ARHGAP11A: variants seen among roughly 807,000 people sequenced by gnomAD.
ARHGAP11A encodes the protein Rho GTPase activating protein 11A, also known as rho GTPase-activating protein 11A.
A neutral mutation model predicts 60.5 loss-of-function variants in ARHGAP11A; 36 were observed. That is an observed-to-expected ratio of 0.59 (90% CI 0.46 to 0.79). The LOEUF (loss-of-function observed/expected upper bound fraction) is 0.79, where lower values mean the gene tolerates loss of function less well. Ranked by LOEUF, ARHGAP11A falls within the 30% of genes least tolerant of loss-of-function variation. ARHGAP11A has a pLI of 0.00. For synonymous variants in ARHGAP11A, 362 were observed against 415.5 expected (o/e 0.87, Z 1.57); for missense variants, 1,071 against 1,199.2 (o/e 0.89, Z 1.58).
intron 1 of ARHGAP11A, among the ~76,000 whole-genome samples, chr15:32,618,304 T>TTA (rs2053210466): frequency 6.6e-6 from 1 of 152,204 alleles, no homozygotes; most frequent in Non-Finnish European, 1.5e-5. Context: ...TGAATTCTAG[T>TTA]TATATATAGC....
At chr15:32,627,468 G>A (rs1014720162) in intron 6 of ARHGAP11A, among the ~76,000 whole-genome samples, 4 of 151,946 alleles carry the variant, frequency 2.6e-5, no homozygotes, top group Admixed American at 1.3e-4. Flanking sequence ...GATGGCTCAC[G>A]CCTGTAATTC....
chr15:32,617,162 A>G (rs2053173138), intron 1 of ARHGAP11A, among the ~76,000 whole-genome samples: 1 of 152,214 alleles, frequency 6.6e-6, no homozygotes, highest in African/African-American at 2.4e-5. Flanking sequence ...ACTTCCTAGT[A>G]CTTGGAGACA....
chr15:32,638,556 G>A lies in ARHGAP11A; in HGVS notation c.*711G>A, dbSNP rs1272675776. The stretch of plus-strand genomic sequence containing the variant: ...TAGAGATAAACTCTGCAAATCTTAT[G>A]TCTGGAATTATATTAATGTTTATTG... On this transcript the variant is annotated 3_prime_UTR_variant, in exon 12 of 12. Transcript: ENST00000361627. 2 of 152,198 alleles carry A rather than the reference G, an allele frequency of 1.3e-5. No homozygotes were observed. The highest frequency in any genetic ancestry group is 4.1e-4 in the South Asian group (2 of 4,834). The allele number at this position is 152,198 out of a possible 1,614,324, so 9.4% of individuals were successfully genotyped here.
chr15:32,633,776 G>A (rs972683368), intron 9 of ARHGAP11A, among the ~76,000 whole-genome samples, 157 bp from the exon 10 acceptor site: 3 of 152,202 alleles, frequency 2.0e-5, no homozygotes, highest in Non-Finnish European at 4.4e-5. Flanking sequence ...GTGTGTTCAT[G>A]TATGGTATCT....
Position 32,636,852 on chromosome 15 carries a change from T to G in ARHGAP11A, c.2079T>G (p.Thr693=), listed in dbSNP as rs2053728201. 1 of 1,610,484 alleles carries G rather than the reference T, an allele frequency of 6.2e-7. No individual in the cohort carries two copies. The highest frequency in any genetic ancestry group is 1.7e-5 in the Admixed American group (1 of 59,250). ...AAACAACTATAAAATGTTATTCAAC[T>G]CAGATGAAGATGGAACATGAAAAAG... ...NRETTIKCYS[T]QMKMEHEKDI... Residue 693 remains threonine (T), a synonymous_variant, in exon 12 of 12, where the codon ACT becomes ACG. Coordinates refer to ENST00000361627, the MANE Select transcript of ARHGAP11A (RefSeq NM_014783.6).
Position 32,636,557 on chromosome 15 carries a change from C to A in ARHGAP11A, c.1784C>A (p.Thr595Asn). 3.7e-6 allele frequency: 6 copies of A among 1,614,046 alleles called. No homozygotes were observed. The highest frequency in any genetic ancestry group is 5.1e-6 in the Non-Finnish European group (6 of 1,179,960). Residue 595 changes from threonine (T) to asparagine (N), a missense_variant, in exon 12 of 12, where the codon ACT (threonine) becomes AAT (asparagine). By Grantham distance (65) the Thr-to-Asn change is moderately conservative (BLOSUM62 0). This residue lies in a region of ARHGAP11A where 776 missense variants were observed against 760.2 expected (regional missense o/e 1.02). Transcript: ENST00000361627. ...SGDENNMTKE[T>N]LVKVQKAFSE... ...GATGAAAATAACATGACCAAAGAGA[C>A]TTTGGTGAAAGTTCAAAAAGCGTTT...
chr15:32,637,911 T>C lies in ARHGAP11A; in HGVS notation c.*66T>C. 1.5e-6 allele frequency: 2 copies of C among 1,327,734 alleles called. No individual in the cohort carries two copies. Among genetic ancestry groups the C allele is most frequent in the East Asian group, 4.8e-5 (2 of 41,392 alleles). The allele number at this position is 1,327,734 out of a possible 1,614,324, so 82.2% of individuals were successfully genotyped here. ...GTAATTGGTATGACTTGCAGGATGA[T>C]GTACATGTTAGTTTGTAGCTCAGGA... On this transcript the variant is annotated 3_prime_UTR_variant, in exon 12 of 12. Coordinates refer to ENST00000361627, the MANE Select transcript of ARHGAP11A (RefSeq NM_014783.6).
At chr15:32,631,503 T>C (rs538971013) in intron 8 of ARHGAP11A, among the ~76,000 whole-genome samples, 95 of 152,282 alleles carry the variant, frequency 6.2e-4, no homozygotes, top group African/African-American at 2.3e-3. Context: ...TTTCACCACG[T>C]TGGCCAGGCT....
chr15:32,615,249 C>T (rs2053100603), upstream of ARHGAP11A: 2 of 152,072 alleles, frequency 1.3e-5, no homozygotes, highest in East Asian at 3.9e-4. Context: ...TGGTCTGAGG[C>T]GCAGGTCAGG....
chr15:32,621,471 T>C (rs2053304497), intron 2 of ARHGAP11A, among the ~76,000 whole-genome samples: 1 of 152,148 alleles, frequency 6.6e-6, no homozygotes, highest in Admixed American at 6.5e-5. Flanking sequence ...ATTACAGGCG[T>C]GAGCCACTGT....
intron 4 of ARHGAP11A, 76 bp from the exon 5 acceptor site, chr15:32,625,004 T>C: frequency 6.6e-7 from 1 of 1,509,688 alleles, no homozygotes; most frequent in South Asian, 1.2e-5. Context: ...GTCTTCAAAA[T>C]GTACTACATA....
intron 8 of ARHGAP11A, 125 bp downstream of exon 8, chr15:32,629,887 C>A (rs2053550586): frequency 4.5e-6 from 3 of 667,282 alleles, no homozygotes; most frequent in Non-Finnish European, 4.8e-6. Flanking sequence ...TTTTATCCAA[C>A]CTATGAATTT....
At chr15:32,625,385 A>G in intron 5 of ARHGAP11A, 102 bp from the exon 6 acceptor site, 1 of 1,503,880 alleles carries the variant, frequency 6.6e-7, no homozygotes. Context: ...CCCCTCCTGC[A>G]AAGAAAAAAA....
intron 8 of ARHGAP11A, 37 bp from the exon 9 acceptor site, chr15:32,632,942 G>A (rs756230811): frequency 6.4e-7 from 1 of 1,554,318 alleles, no homozygotes; most frequent in Non-Finnish European, 8.7e-7. Context: ...AAGGAAAATA[G>A]ATATGTGTGG....
chr15:32,620,123 G>C lies in ARHGAP11A; in HGVS notation c.145G>C (p.Val49Leu), dbSNP rs2053259516. Reference sequence around the variant, plus strand: ...GTCATTTTAGGGTAAAATATTTGGAGTACCTTTTAATGCACTGCCCCATTC... The same window carrying C: ...GTCATTTTAGGGTAAAATATTTGGACTACCTTTTAATGCACTGCCCCATTC... ...ATEIGGKIFG[V>L]PFNALPHSAV... Residue 49 changes from valine to leucine, a missense_variant, in exon 2 of 12, where the codon GTA becomes CTA. Val to Leu is a conservative substitution (Grantham distance 32, BLOSUM62 1). Coordinates refer to ENST00000361627, the MANE Select transcript of ARHGAP11A (RefSeq NM_014783.6). 1 of 1,609,114 alleles carries C rather than the reference G, an allele frequency of 6.2e-7. No homozygotes were observed. Among genetic ancestry groups the C allele is most frequent in the Non-Finnish European group, 8.5e-7 (1 of 1,177,246 alleles).
chr15:32,636,455 C>G lies in ARHGAP11A; in HGVS notation c.1682C>G (p.Ala561Gly), dbSNP rs773263026. 8 of 1,613,792 alleles carry G rather than the reference C, an allele frequency of 5.0e-6. No individual in the cohort carries two copies. Among genetic ancestry groups the G allele is most frequent in the Non-Finnish European group, 5.9e-6 (7 of 1,179,798 alleles). The change falls in exon 12 of 12, where the codon GCT becomes GGT. Residue 561 changes from alanine to glycine, a missense_variant. Physicochemically the swap from Ala to Gly is moderately conservative, Grantham distance 60 (BLOSUM62 0). This residue lies in a region of ARHGAP11A where 776 missense variants were observed against 760.2 expected (regional missense o/e 1.02). Coordinates refer to ENST00000361627, the MANE Select transcript of ARHGAP11A (RefSeq NM_014783.6). ...EPDIMVEKSP[A>G]TSCELTPSNL... ...GATATTATGGTAGAAAAGTCACCTG[C>G]TACTTCATGTGAACTCACCCCTTCC...
At chr15:32,620,421 G>C (rs1296144527) in intron 2 of ARHGAP11A, among the ~76,000 whole-genome samples, 1 of 151,996 alleles carries the variant, frequency 6.6e-6, no homozygotes, top group Non-Finnish European at 1.5e-5. Flanking sequence ...AGGCTGCAGT[G>C]AGCCTTCTAG....
At chr15:32,635,239 C>A (rs2053677962) in intron 10 of ARHGAP11A, among the ~76,000 whole-genome samples, 1 of 152,194 alleles carries the variant, frequency 6.6e-6, no homozygotes, top group Non-Finnish European at 1.5e-5. Context: ...ATCTTCATGG[C>A]TCTCACCTTT....
At chr15:32,632,887 T>A (rs1379534272) in intron 8 of ARHGAP11A, 92 bp from the exon 9 acceptor site, 1 of 1,193,272 alleles carries the variant, frequency 8.4e-7, no homozygotes, top group Non-Finnish European at 1.1e-6. Context: ...GGATAGAAAT[T>A]AAGGCTTTGA....
Sources: allele counts gnomAD v4.1 joint callset (sites outside exome capture counted in the v4.1 genomes callset), GRCh38; gene constraint gnomAD v4.1.1; regional missense constraint gnomAD v4.1.1; transcripts MANE v1.5; gene names NCBI Gene and HGNC (gene_info 2026-07-23, HGNC 2026-07-21).